MATN2: variants seen among roughly 807,000 people sequenced by gnomAD.
MATN2 encodes the protein matrilin 2.
A neutral mutation model predicts 103.2 loss-of-function variants in MATN2; 69 were observed. That is an observed-to-expected ratio of 0.67 (90% confidence interval 0.55 to 0.82). MATN2 has a LOEUF of 0.82. MATN2 is among the 40% of genes least tolerant of loss of function. The probability of loss-of-function intolerance (pLI) is 0.00; values close to 1 mark genes in which losing one functional copy is unlikely to be tolerated. For synonymous variants in MATN2, 429 were observed against 450.2 expected (o/e 0.95, Z 0.60); for missense variants, 1,023 against 1,211.5 (o/e 0.84, Z 2.31).
intron 10 of MATN2, among the ~76,000 whole-genome samples, chr8:98,009,040 G>A (rs922782169): frequency 6.6e-6 from 1 of 152,132 alleles, no homozygotes; most frequent in African/African-American, 2.4e-5. Flanking sequence ...CTAACCAATG[G>A]CACAGTGGAA....
At chr8:97,935,136 C>G (rs138089818) in intron 3 of MATN2, among the ~76,000 whole-genome samples, 1 of 152,086 alleles carries the variant, frequency 6.6e-6, no homozygotes, top group African/African-American at 2.4e-5. Flanking sequence ...GTTGTCCAGG[C>G]TGGCCTCGAA....
chr8:97,955,406 GGGGTACA>G (rs1217282155), intron 4 of MATN2, among the ~76,000 whole-genome samples: 1 of 152,200 alleles, frequency 6.6e-6, no homozygotes, highest in African/African-American at 2.4e-5. Flanking sequence ...CTGGGTCTGA[GGGGTACA>G]GGAGAGGGAG....
intron 2 of MATN2, among the ~76,000 whole-genome samples, chr8:97,909,350 G>C (rs555838213): frequency 6.6e-6 from 1 of 152,310 alleles, no homozygotes; most frequent in Non-Finnish European, 1.5e-5. Flanking sequence ...ACATATAAGT[G>C]AGGTCATGCA....
intron 1 of MATN2, among the ~76,000 whole-genome samples, chr8:97,882,233 T>C (rs1818281424): frequency 1.3e-5 from 2 of 151,922 alleles, no homozygotes; most frequent in East Asian, 3.9e-4. Flanking sequence ...CCTTATTATT[T>C]GTCTTTTTCA....
Position 97,988,896 on chromosome 8 carries a change from A to G in MATN2, c.1082-5584A>G, listed in dbSNP as rs948115647. Among the ~76,000 whole-genome samples the G allele has an allele frequency of 5.3e-5, 8 of 152,322 alleles. No homozygotes were observed. In the East Asian group the frequency reaches 1.5e-3, roughly 29 times the overall value. ...AGAAAAGAAAGACATAAAAAAAGAA[A>G]ACTATACACAAATATTTCTCATGAA... On this transcript the variant is annotated intron_variant, in intron 6 of 18. Transcript: ENST00000254898.
Position 97,923,823 on chromosome 8 carries a change from C to T in MATN2, c.143-7130C>T, listed in dbSNP as rs558491381. ...CCAACCGCCTTGGCCTCCCAAAGTG[C>T]GGGGATTACAGGCATGAGCTACTGT... On this transcript the variant is annotated intron_variant, in intron 2 of 18. Transcript: ENST00000254898. Among the ~76,000 whole-genome samples the T allele has an allele frequency of 1.3e-3, 199 of 152,290 alleles. 1 individual carries two copies. The highest frequency in any genetic ancestry group is 4.6e-3 in the African/African-American group (192 of 41,562).
intron 7 of MATN2, among the ~76,000 whole-genome samples, chr8:98,000,426 G>A (rs1282220254): frequency 3.3e-5 from 5 of 151,354 alleles, no homozygotes; most frequent in Admixed American, 1.3e-4. Context: ...GTGAAACCCC[G>A]TCTCTACTAA....
intron 6 of MATN2, among the ~76,000 whole-genome samples, chr8:97,985,644 T>C (rs114173823): frequency 0.017 from 2,651 of 152,264 alleles, 78 homozygotes; most frequent in African/African-American, 0.061. Flanking sequence ...GTAATACAGG[T>C]TCATTGAGGG....
rs76834369 is a variant in MATN2, at chr8:97,995,249, G to C, written c.1204+647G>C. ...ATGGACGGCCCACAAGGACAGAGAC[G>C]ATTATCTTTTTCTCGCTGCTGAATT... On this transcript the variant is annotated intron_variant, in intron 7 of 18. Transcript: ENST00000254898. Among the ~76,000 whole-genome samples, 1,164 of 152,278 alleles carry C rather than the reference G, an allele frequency of 7.6e-3. 21 individuals carry two copies. Among genetic ancestry groups the C allele is most frequent in the African/African-American group, 0.027 (1,120 of 41,548 alleles).
chr8:98,032,769 C>T (rs72678742), intron 16 of MATN2, among the ~76,000 whole-genome samples: 27,102 of 151,922 alleles, frequency 0.18, 2,604 homozygotes, highest in African/African-American at 0.26. Context: ...TGACCTCAAG[C>T]GATCCACCCA....
chr8:97,937,742 C>T (rs1298390736), intron 3 of MATN2, among the ~76,000 whole-genome samples: 2 of 151,950 alleles, frequency 1.3e-5, no homozygotes, highest in Non-Finnish European at 2.9e-5. Context: ...CCATGCCTAG[C>T]TTATCTTTAT....
intron 4 of MATN2, among the ~76,000 whole-genome samples, chr8:97,943,418 TCC>T (rs763131215): frequency 2.2e-4 from 34 of 151,618 alleles, no homozygotes; most frequent in Middle Eastern, 3.4e-3. Context: ...CTTCTCCTTC[TCC>T]TTCTCCTTCT....
At chr8:97,888,450 G>T (rs1160475090) in intron 2 of MATN2, among the ~76,000 whole-genome samples, 1 of 152,208 alleles carries the variant, frequency 6.6e-6, no homozygotes, top group African/African-American at 2.4e-5. Flanking sequence ...TTTCTTTGAA[G>T]CCTTTAATTG....
At chr8:97,900,353 A>G (rs1818937847) in intron 2 of MATN2, among the ~76,000 whole-genome samples, 1 of 152,172 alleles carries the variant, frequency 6.6e-6, no homozygotes, top group African/African-American at 2.4e-5. Context: ...AGATGAATGG[A>G]TGCTTCGGAC....
At chr8:97,972,399 A>C (rs895397437) in intron 5 of MATN2, among the ~76,000 whole-genome samples, 2 of 151,826 alleles carry the variant, frequency 1.3e-5, no homozygotes, top group Non-Finnish European at 2.9e-5. Context: ...TAAATCCTGC[A>C]TTTGGAATTC....
intron 18 of MATN2, 147 bp from the exon 19 acceptor site, chr8:98,035,510 C>G (rs1360564651): frequency 2.0e-6 from 1 of 498,034 alleles, no homozygotes; most frequent in African/African-American, 2.0e-5. Context: ...ATTTACAAGT[C>G]AGGGTTTTAA....
chr8:98,016,210 G>T (rs115612800), intron 10 of MATN2, among the ~76,000 whole-genome samples: 1 of 152,012 alleles, frequency 6.6e-6, no homozygotes, highest in African/African-American at 2.4e-5. Context: ...GTGAAATCCC[G>T]TCTCCACAAA....
chr8:98,023,759 A>T (rs1416954023), intron 13 of MATN2, among the ~76,000 whole-genome samples: 1 of 152,048 alleles, frequency 6.6e-6, no homozygotes, highest in East Asian at 1.9e-4. Flanking sequence ...CACTATTACG[A>T]TTCACAATAG....
chr8:97,985,920 T>G (rs1314836014), intron 6 of MATN2, among the ~76,000 whole-genome samples: 3 of 152,216 alleles, frequency 2.0e-5, no homozygotes, highest in African/African-American at 7.2e-5. Flanking sequence ...CTTTTTTTAA[T>G]GTATGTGTAT....
Sources: allele counts gnomAD v4.1 joint callset (sites outside exome capture counted in the v4.1 genomes callset), GRCh38; gene constraint gnomAD v4.1.1; transcripts MANE v1.5; gene names NCBI Gene and HGNC (gene_info 2026-07-23, HGNC 2026-07-21).